The following TUSC3 variants were observed in gnomAD, a reference collection of about 807,000 sequenced individuals.
TUSC3 encodes dolichyl-diphosphooligosaccharide--protein glycosyltransferase subunit TUSC3.
TUSC3 carries 45 observed loss-of-function variants against 44.8 expected under a neutral mutation model. The observed-to-expected ratio is 1.00, with a 90% CI of 0.79 to 1.29. The LOEUF is 1.29. Ranked by LOEUF, TUSC3 falls within the 50% of genes most tolerant of loss-of-function variation. The probability of loss-of-function intolerance (pLI) is 0.00; values close to 1 mark genes in which losing one functional copy is unlikely to be tolerated. For synonymous variants in TUSC3, 212 were observed against 152.9 expected (o/e 1.39, Z -2.85); for missense variants, 519 against 437.9 (o/e 1.19, Z -1.65).
intron 6 of TUSC3, among the ~76,000 whole-genome samples, chr8:15,690,918 T>G (rs1263122209): frequency 6.6e-6 from 1 of 151,856 alleles, no homozygotes; most frequent in African/African-American, 2.4e-5. Flanking sequence ...CAGTATAGTT[T>G]GAAGTCTGGT....
chr8:15,694,791 A>G (rs974556042), intron 6 of TUSC3, among the ~76,000 whole-genome samples: 3 of 152,072 alleles, frequency 2.0e-5, no homozygotes, highest in Admixed American at 6.5e-5. Flanking sequence ...CCTCCTGATT[A>G]CTGGAGGGGG....
chr8:15,437,882 C>T (rs1201871263), intron 1 of TUSC3, among the ~76,000 whole-genome samples: 1 of 152,170 alleles, frequency 6.6e-6, no homozygotes. Flanking sequence ...AAAATGAATG[C>T]ACCCTGTTGA....
chr8:15,750,609 C>T (rs898427149), intron 9 of TUSC3, among the ~76,000 whole-genome samples: 2 of 151,332 alleles, frequency 1.3e-5, no homozygotes, highest in African/African-American at 2.4e-5. Context: ...TTGTTTTTAA[C>T]GGAGGCTGGA....
rs535592675 is a variant in TUSC3 at position 15,465,050 on chromosome 8, A to G, written n.92-18336A>G. On this transcript the variant is annotated intron_variant and non_coding_transcript_variant, in intron 1 of 5. Transcript: ENST00000503191. ...TTTTTAGTAGAGACAGAGTTTCACTATGTTGGCCAGGATGGTCTTGAACTC... is the reference window on the plus strand; with the variant it reads ...TTTTTAGTAGAGACAGAGTTTCACTGTGTTGGCCAGGATGGTCTTGAACTC... 1.6e-4 allele frequency among the ~76,000 whole-genome samples: 24 copies of G among 152,218 alleles called. 1 individual carries two copies. The highest frequency in any genetic ancestry group is 5.1e-4 in the African/African-American group (21 of 41,536).
At position 15,633,067 on chromosome 8, in the gene TUSC3, A is replaced by T. The variant is rs569265010; in HGVS notation, c.308+9818A>T. The stretch of plus-strand genomic sequence containing the variant: ...ATTATTGCTTTGAGGCCTTTTTAGT[A>T]GAGCTAAGGGATATGGTTCTGTGGG... On this transcript the variant is annotated intron_variant, in intron 2 of 10. Coordinates refer to ENST00000503731, the MANE Select transcript of TUSC3 (RefSeq NM_006765.4). Among the ~76,000 whole-genome samples, 3 of 152,310 alleles carry T rather than the reference A, an allele frequency of 2.0e-5. No homozygotes were observed. In the South Asian group the frequency reaches 6.2e-4, roughly 32 times the overall value.
chr8:15,455,666 C>G (rs1006681310), intron 1 of TUSC3, among the ~76,000 whole-genome samples: 3 of 152,278 alleles, frequency 2.0e-5, no homozygotes, highest in South Asian at 2.1e-4. Context: ...TGCAAAAATT[C>G]TATCAGTGAG....
At chr8:15,716,039 T>C (rs993019340) in intron 6 of TUSC3, among the ~76,000 whole-genome samples, 4 of 151,916 alleles carry the variant, frequency 2.6e-5, no homozygotes, top group African/African-American at 9.7e-5. Flanking sequence ...GCGGTTCACT[T>C]GAGATAAGGA....
the TUSC3 span, among the ~76,000 whole-genome samples, chr8:15,793,679 T>C: frequency 5.9e-5 from 9 of 152,310 alleles, no homozygotes; most frequent in Middle Eastern, 3.4e-3. Context: ...AGAATATAAG[T>C]TCCATGAGGG....
intron 1 of TUSC3, among the ~76,000 whole-genome samples, chr8:15,602,298 T>C (rs912457893): frequency 4.0e-5 from 6 of 151,682 alleles, no homozygotes; most frequent in Admixed American, 2.0e-4. Context: ...TATTTAGCTT[T>C]TGTGGATTCT....
intron 1 of TUSC3, among the ~76,000 whole-genome samples, chr8:15,581,598 C>A (rs868856153): frequency 0.014 from 2,086 of 148,888 alleles, 31 homozygotes; most frequent in Non-Finnish European, 0.019. Flanking sequence ...CAGTGTGCCC[C>A]TGCTGCGGGG....
chr8:15,648,213 T>C (rs968503705), intron 2 of TUSC3, among the ~76,000 whole-genome samples: 4 of 152,212 alleles, frequency 2.6e-5, no homozygotes, highest in Non-Finnish European at 4.4e-5. Context: ...TCTTCTAACA[T>C]TGGTGTTTTA....
intron 1 of TUSC3, among the ~76,000 whole-genome samples, chr8:15,452,834 C>A (rs1011251193): frequency 3.3e-5 from 5 of 152,184 alleles, no homozygotes; most frequent in African/African-American, 1.2e-4. Flanking sequence ...TGTTTCCTTA[C>A]AGTAAGCTCC....
At chr8:15,711,337 T>C (rs1335182194) in intron 6 of TUSC3, among the ~76,000 whole-genome samples, 2 of 151,618 alleles carry the variant, frequency 1.3e-5, no homozygotes, top group Non-Finnish European at 2.9e-5. Flanking sequence ...CAAATATTAT[T>C]TAGAAGATTG....
At chr8:15,537,057 C>A (rs751876189), upstream of TUSC3, among the ~76,000 whole-genome samples, 1 of 152,104 alleles carries the variant, frequency 6.6e-6, no homozygotes, top group Non-Finnish European at 1.5e-5. Context: ...TGTTTTTCTT[C>A]CTTTCTTTGC....
chr8:15,735,186 G>A (rs749955007), intron 7 of TUSC3, among the ~76,000 whole-genome samples: 1 of 152,134 alleles, frequency 6.6e-6, no homozygotes, highest in Non-Finnish European at 1.5e-5. Context: ...AAGGAAGCAG[G>A]AGTCGCTGGC....
At chr8:15,834,569 A>G in the TUSC3 span, among the ~76,000 whole-genome samples, 2 of 152,188 alleles carry the variant, frequency 1.3e-5, no homozygotes, top group African/African-American at 4.8e-5. Context: ...AAGAATAACA[A>G]TACATTTTAT....
At chr8:15,754,265 G>T (rs73197198) in intron 9 of TUSC3, among the ~76,000 whole-genome samples, 2,774 of 152,044 alleles carry the variant, frequency 0.018, 50 homozygotes, top group Non-Finnish European at 0.03. Context: ...AGAACATTAG[G>T]CTGTACAATA....
intron 1 of TUSC3, among the ~76,000 whole-genome samples, chr8:15,448,182 G>A (rs575851140): frequency 1.4e-5 from 2 of 143,402 alleles, no homozygotes; most frequent in Admixed American, 7.1e-5. Context: ...GCAGTGGCAC[G>A]ATCTCAGCTC....
chr8:15,797,861 A>G, the TUSC3 span, among the ~76,000 whole-genome samples: 3,810 of 152,284 alleles, frequency 0.025, 78 homozygotes, highest in East Asian at 0.084. Context: ...TGGGAGCAAT[A>G]ACTGAATTCA....
Sources: allele counts gnomAD v4.1 joint callset (sites outside exome capture counted in the v4.1 genomes callset), GRCh38; gene constraint gnomAD v4.1.1; transcripts MANE v1.5; gene names NCBI Gene and HGNC (gene_info 2026-07-23, HGNC 2026-07-21).